ANKRD31: variants seen among roughly 807,000 people sequenced by gnomAD.
ANKRD31 encodes ankyrin repeat domain-containing protein 31.
A neutral mutation model predicts 186.0 loss-of-function variants in ANKRD31; 147 were observed. The observed-to-expected ratio is 0.79, with a 90% confidence interval of 0.69 to 0.91. The LOEUF is 0.91. Ranked by LOEUF, ANKRD31 falls within the 40% of genes least tolerant of loss-of-function variation. The pLI is 0.00. For synonymous variants in ANKRD31, 673 were observed against 736.4 expected (o/e 0.91, Z 1.39); for missense variants, 1,986 against 2,148.8 (o/e 0.92, Z 1.50).
At chr5:75,205,452 T>C (rs1328005632) in intron 5 of ANKRD31, among the ~76,000 whole-genome samples, 1 of 152,196 alleles carries the variant, frequency 6.6e-6, no homozygotes, top group Non-Finnish European at 1.5e-5. Flanking sequence ...TTCAGGCTCA[T>C]CCTGATATTG....
chr5:75,162,298 A>G (rs1228911251), intron 11 of ANKRD31, among the ~76,000 whole-genome samples: 2 of 152,214 alleles, frequency 1.3e-5, no homozygotes, highest in Admixed American at 6.5e-5. Flanking sequence ...AAAGGAGATC[A>G]TTTTGGAGCC....
intron 20 of ANKRD31, among the ~76,000 whole-genome samples, chr5:75,109,080 C>A (rs4340901): frequency 6.6e-6 from 1 of 151,914 alleles, no homozygotes; most frequent in Non-Finnish European, 1.5e-5. Context: ...GATTTTAATA[C>A]TTCATTAGAC....
intron 20 of ANKRD31, among the ~76,000 whole-genome samples, chr5:75,111,163 A>T (rs1235500562): frequency 1.3e-5 from 2 of 151,214 alleles, no homozygotes; most frequent in Non-Finnish European, 2.9e-5. Flanking sequence ...TGTTTTTAAG[A>T]GTTTTATTGA....
chr5:75,137,572 C>A (rs1216111527), intron 17 of ANKRD31, among the ~76,000 whole-genome samples: 4 of 152,040 alleles, frequency 2.6e-5, no homozygotes, highest in Admixed American at 6.6e-5. Flanking sequence ...TTATCTTAGA[C>A]AATTAAAAAT....
chr5:75,151,782 T>C (rs1751857502), intron 12 of ANKRD31, among the ~76,000 whole-genome samples: 1 of 152,036 alleles, frequency 6.6e-6, no homozygotes, highest in Non-Finnish European at 1.5e-5. Context: ...AAGATAGATA[T>C]GTAATATCTG....
intron 6 of ANKRD31, among the ~76,000 whole-genome samples, chr5:75,198,895 T>C (rs547894006): frequency 4.6e-5 from 7 of 152,280 alleles, no homozygotes; most frequent in Non-Finnish European, 7.4e-5. Context: ...CCCAGACCTA[T>C]CTGGTTTCCA....
At chr5:75,202,082 G>A (rs540723078) in intron 5 of ANKRD31, among the ~76,000 whole-genome samples, 7 of 152,268 alleles carry the variant, frequency 4.6e-5, no homozygotes, top group African/African-American at 1.7e-4. Flanking sequence ...TACACATATT[G>A]ATTGATGTCT....
rs115088414 is a variant in ANKRD31, at chr5:75,085,507, C to T, written c.5473-1133G>A. On this transcript the variant is annotated intron_variant, in intron 23 of 25. Transcript: ENST00000506364. ...ATGCCTCAGCCTCCCATGCCTCAGC[C>T]TCCCATGCCTTAGCCTCCCTAGTAG... Among the ~76,000 whole-genome samples, 592 of 152,118 alleles carry T rather than the reference C, an allele frequency of 3.9e-3. 5 individuals are homozygous for T. The highest frequency in any genetic ancestry group is 0.014 in the African/African-American group (571 of 41,518).
chr5:75,077,172 G>C (rs532762936), intron 25 of ANKRD31, among the ~76,000 whole-genome samples: 2 of 152,060 alleles, frequency 1.3e-5, no homozygotes, highest in Non-Finnish European at 2.9e-5. Flanking sequence ...GGGCTCAAGC[G>C]ATTCTCCTGC....
intron 17 of ANKRD31, among the ~76,000 whole-genome samples, chr5:75,129,178 T>A (rs1749521435): frequency 6.6e-6 from 1 of 152,194 alleles, no homozygotes; most frequent in Admixed American, 6.5e-5. Flanking sequence ...CCTCTCTGTC[T>A]CTGCTCCACC....
intron 10 of ANKRD31, among the ~76,000 whole-genome samples, chr5:75,172,184 T>C (rs957878312): frequency 2.6e-5 from 4 of 151,824 alleles, no homozygotes; most frequent in Admixed American, 2.0e-4. Flanking sequence ...AATCCAGCCA[T>C]ATATAAAAAG....
chr5:75,198,621 G>A lies in ANKRD31; in HGVS notation c.447+1010C>T, dbSNP rs114707760. On this transcript the variant is annotated intron_variant, in intron 6 of 25. Coordinates refer to ENST00000506364, the MANE Select transcript of ANKRD31 (RefSeq NM_001372053.1). The stretch of plus-strand genomic sequence containing the variant: ...AGAGTACAAGTGATTTGGAAATAAT[G>A]ATATAGTTAGTAAATAATGAGTGCT... Among the ~76,000 whole-genome samples the A allele has an allele frequency of 9.0e-4, 137 of 152,286 alleles. 1 individual carries two copies. Among genetic ancestry groups the A allele is most frequent in the Non-Finnish European group, 1.3e-3 (88 of 68,020 alleles).
chr5:75,184,949 G>A (rs999723524), intron 10 of ANKRD31, among the ~76,000 whole-genome samples: 1 of 152,084 alleles, frequency 6.6e-6, no homozygotes, highest in Non-Finnish European at 1.5e-5. Flanking sequence ...CCAAGATATG[G>A]ACTCAACCTA....
intron 9 of ANKRD31, among the ~76,000 whole-genome samples, chr5:75,189,513 G>A (rs1561520392): frequency 6.6e-6 from 1 of 152,150 alleles, no homozygotes; most frequent in Non-Finnish European, 1.5e-5. Flanking sequence ...CCTTGATTCA[G>A]TCCCACTGTA....
chr5:75,122,028 G>A (rs1386737190), intron 17 of ANKRD31, among the ~76,000 whole-genome samples: 1 of 151,920 alleles, frequency 6.6e-6, no homozygotes, highest in African/African-American at 2.4e-5. Flanking sequence ...GAATTGAAAA[G>A]TCAGTTCTTT....
Position 75,222,353 on chromosome 5 carries a change from G to A in ANKRD31, c.184C>T (p.Pro62Ser). 2.0e-6 allele frequency: 3 copies of A among 1,533,756 alleles called. No individual in the cohort carries two copies. The highest frequency in any genetic ancestry group is 2.6e-6 in the Non-Finnish European group (3 of 1,144,534). ...PDTRGMCKGMPSPEIQLGFKL... is the reference protein window; with the variant it reads ...PDTRGMCKGMSSPEIQLGFKL... Reference sequence around the variant, plus strand: ...AATCCAAGTTGAATCTCAGGAGAAGGCATGCCTAGAGTGAAACATAATCAT... The same window carrying A: ...AATCCAAGTTGAATCTCAGGAGAAGACATGCCTAGAGTGAAACATAATCAT... The change falls in exon 3 of 26, where the codon CCT (proline) becomes TCT (serine). Residue 62 changes from proline (P) to serine (S), a missense_variant. Transcript: ENST00000506364.
At chr5:75,168,911 G>A in intron 11 of ANKRD31, 68 bp downstream of exon 11, 11 of 1,343,144 alleles carry the variant, frequency 8.2e-6, no homozygotes, top group South Asian at 4.9e-5. Flanking sequence ...TTTCTATTGT[G>A]TGGTCCCAGA....
intron 4 of ANKRD31, among the ~76,000 whole-genome samples, chr5:75,207,334 T>C (rs976375011): frequency 7.9e-5 from 12 of 152,184 alleles, no homozygotes; most frequent in Non-Finnish European, 1.8e-4. Context: ...CTGATTTTTT[T>C]CCTAAAGTGT....
chr5:75,168,855 A>C, intron 11 of ANKRD31, 124 bp downstream of exon 11: 1 of 918,292 alleles, frequency 1.1e-6, no homozygotes, highest in Non-Finnish European at 1.5e-6. Flanking sequence ...TATAAATTCT[A>C]AGTATTCATT....
Sources: allele counts gnomAD v4.1 joint callset (sites outside exome capture counted in the v4.1 genomes callset), GRCh38; gene constraint gnomAD v4.1.1; transcripts MANE v1.5; gene names NCBI Gene and HGNC (gene_info 2026-07-23, HGNC 2026-07-21).